Variants in JMJD1C observed in about 807,000 individuals in gnomAD.
JMJD1C encodes the protein jumonji domain containing 1C, also known as jumonji domain-containing protein 1C.
In JMJD1C, 31 loss-of-function variants were observed where a neutral mutation model predicts 245.3. The ratio of observed to expected loss-of-function variants is 0.13; its 90% confidence interval spans 0.09 to 0.17. The LOEUF is 0.17. Among genes scored for constraint, JMJD1C ranks in the 10% least tolerant of loss-of-function variants. The pLI is 1.00. For missense variants in JMJD1C, 2,691 were observed against 3,000.2 expected (o/e 0.90, Z 2.41); for synonymous variants, 1,057 against 1,017.4 (o/e 1.04, Z -0.74).
intron 2 of JMJD1C, among the ~76,000 whole-genome samples, chr10:63,318,215 T>A (rs907009526): frequency 3.9e-5 from 6 of 152,070 alleles, no homozygotes; most frequent in Non-Finnish European, 5.9e-5. Flanking sequence ...TGGTGTCTCC[T>A]TATGTTGCCC....
intron 2 of JMJD1C, among the ~76,000 whole-genome samples, chr10:63,316,513 T>A (rs1216262549): frequency 1.3e-5 from 2 of 152,172 alleles, no homozygotes; most frequent in Admixed American, 1.3e-4. Flanking sequence ...AATGGCATGA[T>A]CCCTGCTCAC....
chr10:63,349,282 C>G (rs1423153268), intron 2 of JMJD1C, among the ~76,000 whole-genome samples: 1 of 152,028 alleles, frequency 6.6e-6, no homozygotes, highest in Non-Finnish European at 1.5e-5. Context: ...TATAAATTAC[C>G]CAGTCTCAGG....
chr10:63,376,153 T>C (rs931104781), intron 2 of JMJD1C, among the ~76,000 whole-genome samples: 4 of 152,146 alleles, frequency 2.6e-5, no homozygotes, highest in Admixed American at 2.6e-4. Flanking sequence ...GTCAAAATAT[T>C]TTCTGTAACA....
intron 13 of JMJD1C, among the ~76,000 whole-genome samples, chr10:63,195,504 A>G (rs962046749): frequency 2.6e-5 from 4 of 152,310 alleles, no homozygotes; most frequent in South Asian, 4.1e-4. Flanking sequence ...TATATTGCTT[A>G]TATTTTAGAC....
intron 3 of JMJD1C, among the ~76,000 whole-genome samples, chr10:63,256,315 T>C (rs1202150947): frequency 6.6e-6 from 1 of 152,188 alleles, no homozygotes. Flanking sequence ...AACAGATATG[T>C]ACTGGGGTAA....
intron 2 of JMJD1C, among the ~76,000 whole-genome samples, chr10:63,372,278 G>C (rs1407337157): frequency 6.6e-6 from 1 of 152,202 alleles, no homozygotes; most frequent in Non-Finnish European, 1.5e-5. Context: ...TTGAGAAAAA[G>C]TAGTCTGAGT....
In JMJD1C at chr10:63,465,698, G is replaced by C. The variant is rs199804595; in HGVS notation, c.-36C>G. ...GCCGAAGCGGCCGCTGCCTCCTCCA[G>C]TGCGAGGGAACCGATGAAACCTCAC... On this transcript the variant is annotated 5_prime_UTR_variant, in exon 1 of 26. Coordinates refer to ENST00000399262, the MANE Select transcript of JMJD1C (RefSeq NM_032776.3). 56 of 1,602,142 alleles carry C rather than the reference G, an allele frequency of 3.5e-5. No individual in the cohort carries two copies. Among genetic ancestry groups the C allele is most frequent in the Non-Finnish European group, 4.6e-5 (54 of 1,178,952 alleles).
chr10:63,513,190 C>A (rs1189467289), intron 1 of JMJD1C, among the ~76,000 whole-genome samples: 1 of 151,996 alleles, frequency 6.6e-6, no homozygotes, highest in Admixed American at 6.6e-5. Context: ...GCAAAGTCAA[C>A]AAAAATAAGC....
chr10:63,298,944 TGGTCTTGAACTTCTGACCTCA>T (rs1160375449), intron 2 of JMJD1C, among the ~76,000 whole-genome samples: 1 of 152,146 alleles, frequency 6.6e-6, no homozygotes, highest in Non-Finnish European at 1.5e-5. Flanking sequence ...TTGGTCAGGC[TGGTCTTGAACTTCTGACCTCA>T]GGTGATCCGC....
intron 1 of JMJD1C, among the ~76,000 whole-genome samples, chr10:63,384,463 T>C (rs544490499): frequency 2.6e-4 from 40 of 152,290 alleles, no homozygotes; most frequent in South Asian, 6.2e-4. Flanking sequence ...AGAATGAAAA[T>C]TGTACTAGCA....
chr10:63,240,836 G>A (rs1343026741), intron 3 of JMJD1C, among the ~76,000 whole-genome samples: 6 of 152,170 alleles, frequency 3.9e-5, no homozygotes, highest in East Asian at 3.9e-4. Flanking sequence ...AATTCCAAAC[G>A]ACTACAAAAC....
At chr10:63,305,676 GTGTGTGTT>G (rs1938100965) in intron 2 of JMJD1C, among the ~76,000 whole-genome samples, 1 of 136,320 alleles carries the variant, frequency 7.3e-6, no homozygotes, top group African/African-American at 3.2e-5. Context: ...GTGTGTGTGT[GTGTGTGTT>G]GAAAGATCTT....
At position 63,174,562 on chromosome 10, in the gene JMJD1C, G is replaced by A. The variant is rs150413164; in HGVS notation, c.7401+1735C>T. 3.2e-3 allele frequency among the ~76,000 whole-genome samples: 486 copies of A among 152,234 alleles called. 2 individuals carry two copies. Among genetic ancestry groups the A allele is most frequent in the African/African-American group, 0.011 (471 of 41,536 alleles). On this transcript the variant is annotated intron_variant, in intron 24 of 25. Transcript: ENST00000399262. ...AAAAGTGCAAGAGGATGCCGAGCAT[G>A]GTGGCTCATGCCTGTAATCCCAGCA...
At chr10:63,305,733 T>C (rs990756818) in intron 2 of JMJD1C, among the ~76,000 whole-genome samples, 1 of 151,202 alleles carries the variant, frequency 6.6e-6, no homozygotes, top group African/African-American at 2.4e-5. Context: ...TCAAACTGTA[T>C]TGTAACGTAA....
At chr10:63,345,203 C>A (rs996797377) in intron 2 of JMJD1C, among the ~76,000 whole-genome samples, 2 of 152,102 alleles carry the variant, frequency 1.3e-5, no homozygotes, top group African/African-American at 4.8e-5. Flanking sequence ...AAGGAACAAA[C>A]TGGCTGGGTG....
chr10:63,468,397 G>A (rs571022311), upstream of JMJD1C, among the ~76,000 whole-genome samples: 13 of 151,770 alleles, frequency 8.6e-5, no homozygotes, highest in Non-Finnish European at 1.5e-4. Flanking sequence ...TGTATTAAGG[G>A]GTATTTTTAT....
At chr10:63,319,578 T>G (rs902779758) in intron 2 of JMJD1C, among the ~76,000 whole-genome samples, 1 of 152,140 alleles carries the variant, frequency 6.6e-6, no homozygotes, top group Non-Finnish European at 1.5e-5. Flanking sequence ...TTAAAAAAAA[T>G]TATCTCCCTT....
intron 2 of JMJD1C, among the ~76,000 whole-genome samples, chr10:63,302,034 T>G (rs143685338): frequency 6.2e-4 from 95 of 152,282 alleles, no homozygotes; most frequent in African/African-American, 2.1e-3. Context: ...TTTTTTCCCT[T>G]GAGACAAGGT....
chr10:63,219,670 T>A (rs1848387390), intron 4 of JMJD1C, among the ~76,000 whole-genome samples: 1 of 152,168 alleles, frequency 6.6e-6, no homozygotes, highest in South Asian at 2.1e-4. Flanking sequence ...ATGACAGGCA[T>A]TCAGTTCAAA....
Sources: allele counts gnomAD v4.1 joint callset (sites outside exome capture counted in the v4.1 genomes callset), GRCh38; gene constraint gnomAD v4.1.1; transcripts MANE v1.5; gene names NCBI Gene and HGNC (gene_info 2026-07-23, HGNC 2026-07-21).